The following NPIPB11 variants were observed in gnomAD, a reference collection of about 807,000 sequenced individuals.
NPIPB11 encodes nuclear pore complex interacting protein family member B11.
NPIPB11 carries 17 observed loss-of-function variants against 32.8 expected under a neutral mutation model. That is an observed-to-expected ratio of 0.52 (90% CI 0.35 to 0.78). The LOEUF is 0.78. NPIPB11 is among the 30% of genes least tolerant of loss of function. The pLI is 0.01. For missense variants in NPIPB11, 537 were observed against 1,000.4 expected, an observed-to-expected ratio of 0.54 and a Z score of 6.25; for synonymous variants, 209 against 398.4, an observed-to-expected ratio of 0.52 and a Z score of 5.66.
rs572424783 is a variant in NPIPB11 at position 29,396,915 on chromosome 16, T to C, written c.121-2839A>G. On this transcript the variant is annotated intron_variant, in intron 2 of 7. Transcript: ENST00000524087. ...GCCTGTAATCCCAGCACTGGGAGGC[T>C]GAGGCAGGCGGATCACGAGGTCAAG... is the stretch of plus-strand genomic sequence containing the variant. Among the ~76,000 whole-genome samples, 1,239 of 151,690 alleles carry C rather than the reference T, an allele frequency of 8.2e-3. 9 individuals carry two copies. The highest frequency in any genetic ancestry group is 0.024 in the Middle Eastern group (7 of 292).
intron 1 of NPIPB11, 39 bp from the exon 2 acceptor site, chr16:29,403,879 A>G: frequency 6.5e-7 from 1 of 1,532,696 alleles, no homozygotes; most frequent in Non-Finnish European, 8.7e-7. Context: ...GAATGAGTGG[A>G]AAAACAAGGT....
chr16:29,400,101 G>A (rs1963954015), intron 2 of NPIPB11, among the ~76,000 whole-genome samples: 1 of 151,718 alleles, frequency 6.6e-6, no homozygotes, highest in Non-Finnish European at 1.5e-5. Flanking sequence ...GAAGCCCTCG[G>A]ATTTCGGTTG....
At chr16:29,390,623 G>T (rs1963694787) in intron 3 of NPIPB11, among the ~76,000 whole-genome samples, 1 of 145,910 alleles carries the variant, frequency 6.9e-6, no homozygotes, top group Non-Finnish European at 1.5e-5. Flanking sequence ...CTGCACTCCA[G>T]CCTGAGCGAC....
exon 8 of NPIPB11, chr16:29,384,178 G>C: frequency 6.4e-7 from 1 of 1,566,802 alleles, no homozygotes; most frequent in Non-Finnish European, 8.5e-7. Flanking sequence ...CAATGTTGTT[G>C]AGTTGGAGGA....
rs56110526 is a variant in NPIPB11, at chr16:29,390,653, T to TACACACACAC, written c.250-315_250-306dup. Reference sequence around the variant, plus strand: ...AGCGACAGAATGAGACTCTGTCACATACACACACACACACACAAGAATGAC... The same window carrying TACACACACAC: ...AGCGACAGAATGAGACTCTGTCACATACACACACACACACACACACACACACAAGAATGAC... On this transcript the variant is annotated intron_variant, in intron 3 of 7. Transcript: ENST00000524087. Among the ~76,000 whole-genome samples the TACACACACAC allele has an allele frequency of 3.6e-3, 525 of 146,860 alleles. 4 individuals are homozygous for TACACACACAC. The highest frequency in any genetic ancestry group is 0.024 in the Middle Eastern group (7 of 290).
upstream of NPIPB11, among the ~76,000 whole-genome samples, chr16:29,405,507 A>C (rs997862266): frequency 6.6e-6 from 1 of 152,112 alleles, no homozygotes; most frequent in Non-Finnish European, 1.5e-5. Flanking sequence ...TCATTCCCAC[A>C]CATTATTACA....
At chr16:29,402,936 TA>T (rs1034637432) in intron 2 of NPIPB11, among the ~76,000 whole-genome samples, 1 of 146,550 alleles carries the variant, frequency 6.8e-6, no homozygotes, top group Non-Finnish European at 1.5e-5. Context: ...TTACATGTTG[TA>T]AAATAAATGT....
intron 2 of NPIPB11, among the ~76,000 whole-genome samples, chr16:29,402,724 C>CTCTCTGTG (rs1449821025): frequency 1.5e-3 from 181 of 119,660 alleles, no homozygotes; most frequent in Middle Eastern, 4.5e-3. Context: ...CTCTCTCTCT[C>CTCTCTGTG]TGTGTGTGTG....
intron 3 of NPIPB11, among the ~76,000 whole-genome samples, chr16:29,391,749 G>C (rs1963728172): frequency 6.6e-6 from 1 of 152,086 alleles, no homozygotes; most frequent in South Asian, 2.1e-4. Flanking sequence ...TTGAGATGGA[G>C]TGTCACTCTC....
At chr16:29,390,706 G>A (rs1013001175) in intron 3 of NPIPB11, among the ~76,000 whole-genome samples, 4 of 151,404 alleles carry the variant, frequency 2.6e-5, no homozygotes, top group African/African-American at 7.3e-5. Flanking sequence ...GCTCACTCCT[G>A]TAATCCCAGC....
intron 1 of NPIPB11, 57 bp from the exon 2 acceptor site, chr16:29,403,897 G>A: frequency 6.8e-7 from 1 of 1,462,290 alleles, no homozygotes; most frequent in Non-Finnish European, 9.2e-7. Context: ...GGTGATGTTT[G>A]AGTCTATAGT....
chr16:29,392,288 T>C (rs1182607841), intron 3 of NPIPB11, among the ~76,000 whole-genome samples: 1 of 152,078 alleles, frequency 6.6e-6, no homozygotes, highest in Non-Finnish European at 1.5e-5. Flanking sequence ...GCACCCATGA[T>C]GTCCCTGCTT....
At chr16:29,383,371 G>T (rs759295852) in exon 8 of NPIPB11, 2 of 460,146 alleles carry the variant, frequency 4.3e-6, no homozygotes, top group Non-Finnish European at 7.0e-6. Context: ...GTGAGCTGAC[G>T]CTCAGAAGGT....
chr16:29,382,309 T>C, exon 8 of NPIPB11: 2 of 1,585,244 alleles, frequency 1.3e-6, no homozygotes, highest in African/African-American at 1.5e-5. Flanking sequence ...GGCAGGTGTC[T>C]TGATATTATC....
intron 2 of NPIPB11, among the ~76,000 whole-genome samples, chr16:29,399,795 T>C (rs2142137171): frequency 7.0e-6 from 1 of 142,702 alleles, no homozygotes; most frequent in African/African-American, 2.6e-5. Flanking sequence ...AGCCCTAGAT[T>C]TGGCTGGGCA....
At chr16:29,404,635 C>T (rs1373214407), upstream of NPIPB11, among the ~76,000 whole-genome samples, 1 of 150,780 alleles carries the variant, frequency 6.6e-6, no homozygotes, top group African/African-American at 2.4e-5. Context: ...ACCATAGGTC[C>T]AAGACTGGGT....
chr16:29,383,022 C>G lies in NPIPB11; in HGVS notation c.1910G>C (p.Arg637Pro), dbSNP rs573087265. ...CGGAAGGTGTCTTGAGATTATCATC[C>G]GCTGACGGTGGAAGCGGAACCCGCA... The change falls in exon 8 of 8, where the codon CGG becomes CCG. Residue 637 changes from arginine (R) to proline (P), a missense_variant. Coordinates refer to ENST00000524087, the Ensembl canonical transcript of NPIPB11. 8.5e-5 allele frequency: 135 copies of G among 1,596,168 alleles called. 3 individuals are homozygous for G. Among genetic ancestry groups the G allele is most frequent in the East Asian group, 5.0e-4 (22 of 44,106 alleles).
chr16:29,405,193 T>G (rs1281573129), upstream of NPIPB11, among the ~76,000 whole-genome samples: 1 of 152,044 alleles, frequency 6.6e-6, no homozygotes, highest in African/African-American at 2.4e-5. Context: ...GTCCGCATGT[T>G]TTAGGAAAAA....
intron 2 of NPIPB11, among the ~76,000 whole-genome samples, chr16:29,395,997 C>T (rs1489398172): frequency 1.3e-5 from 2 of 149,888 alleles, no homozygotes; most frequent in Non-Finnish European, 3.0e-5. Context: ...AAAAAAATTA[C>T]CAAGGTGGAG....
Sources: allele counts gnomAD v4.1 joint callset (sites outside exome capture counted in the v4.1 genomes callset), GRCh38; gene constraint gnomAD v4.1.1; transcripts MANE v1.5; gene names NCBI Gene and HGNC (gene_info 2026-07-23, HGNC 2026-07-21).